Variants in CHD6 observed in about 807,000 individuals in gnomAD.
The protein encoded by CHD6 is ATP-dependent chromatin remodeler CHD6.
Under a neutral mutation model 276.9 loss-of-function variants are expected in CHD6, and 50 were observed. The ratio of observed to expected loss-of-function variants is 0.18; its 90% CI spans 0.14 to 0.23. The LOEUF is 0.23. Among genes scored for constraint, CHD6 ranks in the 10% least tolerant of loss-of-function variants. The pLI is 1.00. For missense variants in CHD6, 2,564 were observed against 3,365.8 expected, an observed-to-expected ratio of 0.76 and a Z score of 5.89; for synonymous variants, 1,173 against 1,229.3, an observed-to-expected ratio of 0.95 and a Z score of 0.96.
rs556842087 is a variant in CHD6, at chr20:41,553,893, TA to T, written c.-23-2534del. Among the ~76,000 whole-genome samples the T allele has an allele frequency of 2.8e-4, 42 of 152,358 alleles. No homozygotes were observed. In the South Asian group the frequency reaches 8.7e-3, roughly 32 times the overall value. On this transcript the variant is annotated intron_variant, in intron 1 of 36. Transcript: ENST00000373233. The stretch of plus-strand genomic sequence containing the variant: ...GGTCAGGTACAATGGCTCACACCTG[TA>T]ATCCCAGCACTTTGGGAGGCCAAGG...
intron 1 of CHD6, among the ~76,000 whole-genome samples, chr20:41,604,239 C>T (rs2045803804): frequency 6.6e-6 from 1 of 152,042 alleles, no homozygotes; most frequent in South Asian, 2.1e-4. Context: ...AGGTTTGGAT[C>T]ACAGGAGAGG....
chr20:41,453,598 C>A (rs1181026781), intron 20 of CHD6, among the ~76,000 whole-genome samples: 1 of 152,118 alleles, frequency 6.6e-6, no homozygotes, highest in Non-Finnish European at 1.5e-5. Flanking sequence ...TCCACACAGC[C>A]CAGATAACAA....
At chr20:41,412,336 A>C in intron 35 of CHD6, 73 bp from the exon 36 acceptor site, 1 of 1,551,908 alleles carries the variant, frequency 6.4e-7, no homozygotes, top group Non-Finnish European at 8.8e-7. Context: ...GATGCTTTTC[A>C]ACTGGTTTTG....
intron 2 of CHD6, among the ~76,000 whole-genome samples, chr20:41,549,919 CTCCTGAG>C (rs1427943239): frequency 1.3e-5 from 2 of 152,232 alleles, no homozygotes; most frequent in Admixed American, 6.5e-5. Context: ...CTGCCTCAGC[CTCCTGAG>C]TAGCTGCGAT....
At chr20:41,609,870 T>G (rs2045868286) in intron 1 of CHD6, among the ~76,000 whole-genome samples, 1 of 144,514 alleles carries the variant, frequency 6.9e-6, no homozygotes, top group Non-Finnish European at 1.5e-5. Flanking sequence ...TTTTTTTTTT[T>G]TTTTGAGATG....
At chr20:41,424,265 A>G (rs1467724264) in intron 29 of CHD6, among the ~76,000 whole-genome samples, 2 of 152,224 alleles carry the variant, frequency 1.3e-5, no homozygotes, top group Non-Finnish European at 2.9e-5. Context: ...CATGACAATT[A>G]TCTTCTCTGG....
chr20:41,516,528 G>A (rs778522782), intron 3 of CHD6, among the ~76,000 whole-genome samples: 3 of 152,116 alleles, frequency 2.0e-5, no homozygotes, highest in Non-Finnish European at 2.9e-5. Flanking sequence ...GCATGGCGAG[G>A]TTAAGTTAGA....
At chr20:41,435,735 A>G (rs2047687105) in intron 27 of CHD6, among the ~76,000 whole-genome samples, 2 of 152,330 alleles carry the variant, frequency 1.3e-5, no homozygotes, top group South Asian at 4.1e-4. Flanking sequence ...AAATCCCAGC[A>G]ACAGTTTCTG....
At position 41,487,695 on chromosome 20, in the gene CHD6, C is replaced by T. The variant is rs1287229349; in HGVS notation, c.1971G>A (p.Glu657=). The T allele has an allele frequency of 6.2e-7, 1 of 1,609,654 alleles. No homozygotes were observed. Among genetic ancestry groups the T allele is most frequent in the Admixed American group, 1.7e-5 (1 of 58,666 alleles). Residue 657 remains glutamate, a synonymous_variant, in exon 14 of 37, where the codon GAG becomes GAA. Coordinates refer to ENST00000373233, the MANE Select transcript of CHD6 (RefSeq NM_032221.5). ...SQFPSETAFL[E]EFGDLKTEEQ... Reference sequence around the variant, plus strand: ...CCTCTGTTTTCAGATCTCCAAATTCCTCCAAGAAAGCGGTCTCTGAAGGAA... The same window carrying T: ...CCTCTGTTTTCAGATCTCCAAATTCTTCCAAGAAAGCGGTCTCTGAAGGAA...
intron 1 of CHD6, among the ~76,000 whole-genome samples, chr20:41,609,653 C>T (rs897834878): frequency 2.6e-5 from 4 of 152,110 alleles, no homozygotes; most frequent in Non-Finnish European, 5.9e-5. Flanking sequence ...GTCTATAAAC[C>T]ACATAGGACA....
chr20:41,407,835 G>T (rs953236587), intron 36 of CHD6, among the ~76,000 whole-genome samples: 1 of 152,164 alleles, frequency 6.6e-6, no homozygotes, highest in Non-Finnish European at 1.5e-5. Flanking sequence ...AGTGCGAGAC[G>T]CCACGAAGGA....
At position 41,512,404 on chromosome 20, in the gene CHD6, G is replaced by A. The variant is rs62208502; in HGVS notation, c.852+442C>T. On this transcript the variant is annotated intron_variant, in intron 5 of 36. Transcript: ENST00000373233. ...AGAATATCATTGGGATGAGGGGCAGGAATCTACTTTAGATAAAAGATCAGG... is the reference window on the plus strand; with the variant it reads ...AGAATATCATTGGGATGAGGGGCAGAAATCTACTTTAGATAAAAGATCAGG... Among the ~76,000 whole-genome samples, 862 of 152,054 alleles carry A rather than the reference G, an allele frequency of 5.7e-3. 3 individuals carry two copies. The highest frequency in any genetic ancestry group is 0.027 in the Middle Eastern group (8 of 294).
chr20:41,538,900 A>G (rs1478693400), intron 2 of CHD6, among the ~76,000 whole-genome samples: 3 of 152,256 alleles, frequency 2.0e-5, no homozygotes, highest in South Asian at 4.2e-4. Context: ...AAGGTGGTCA[A>G]TCCAGATATC....
intron 22 of CHD6, among the ~76,000 whole-genome samples, 168 bp downstream of exon 22, chr20:41,451,658 G>C (rs2048244034): frequency 6.6e-6 from 1 of 152,206 alleles, no homozygotes; most frequent in African/African-American, 2.4e-5. Flanking sequence ...GTAACACTGG[G>C]AGATTCTGAG....
Position 41,585,269 on chromosome 20 carries a change from C to T in CHD6, c.-24+33071G>A, listed in dbSNP as rs906701943. ...CTGTAATCCCAGCACTTTGGGAGGC[C>T]GAGGCAGGCGGATCACCTGAGGTTG... is the stretch of plus-strand genomic sequence containing the variant. On this transcript the variant is annotated intron_variant, in intron 1 of 36. Coordinates refer to ENST00000373233, the MANE Select transcript of CHD6 (RefSeq NM_032221.5). Among the ~76,000 whole-genome samples, 51 of 152,062 alleles carry T rather than the reference C, an allele frequency of 3.4e-4. 1 individual carries two copies. The highest frequency in any genetic ancestry group is 4.2e-4 in the South Asian group (2 of 4,818).
chr20:41,403,714 T>C lies in CHD6; in HGVS notation c.*879A>G. 9.5e-7 allele frequency: 1 copy of C among 1,057,440 alleles called. No individual in the cohort carries two copies. The highest frequency in any genetic ancestry group is 1.1e-6 in the Non-Finnish European group (1 of 874,414). The allele number at this position is 1,057,440 out of a possible 1,614,324, so 65.5% of individuals were successfully genotyped here. A position where few individuals can be genotyped will look rare whatever the true frequency, so the allele number is the denominator to read the frequency against. On this transcript the variant is annotated 3_prime_UTR_variant, in exon 37 of 37. Coordinates refer to ENST00000373233, the MANE Select transcript of CHD6 (RefSeq NM_032221.5). ...AAAATCCATTCGGTCCTGGTGCTCT[T>C]TAAACACAGAGAGGCAAATTAATGG...
At chr20:41,498,773 GTA>G (rs2043747887) in intron 6 of CHD6, among the ~76,000 whole-genome samples, 2 of 144,532 alleles carry the variant, frequency 1.4e-5, no homozygotes, top group Non-Finnish European at 3.0e-5. Flanking sequence ...ATATGGGTGT[GTA>G]TGTGTGTATG....
chr20:41,565,182 T>C (rs2045342315), intron 1 of CHD6, among the ~76,000 whole-genome samples: 1 of 151,828 alleles, frequency 6.6e-6, no homozygotes. Flanking sequence ...CTGCAACCTC[T>C]GCCTCCTAGA....
intron 1 of CHD6, among the ~76,000 whole-genome samples, chr20:41,554,992 G>A (rs1177037575): frequency 1.3e-5 from 2 of 150,782 alleles, no homozygotes; most frequent in African/African-American, 2.4e-5. Flanking sequence ...CGGACGGGGC[G>A]GCTGGCCGGG....
Sources: gnomAD v4.1 joint callset for allele counts (sites outside exome capture counted in the v4.1 genomes callset) on GRCh38, gnomAD v4.1.1 for gene constraint, MANE v1.5 for transcripts, NCBI Gene and HGNC (gene_info 2026-07-23, HGNC 2026-07-21) for gene names.